Variants in HSDL2 observed in about 807,000 individuals in gnomAD.
The protein encoded by HSDL2 is hydroxysteroid dehydrogenase-like protein 2.
Under a neutral mutation model 46.3 loss-of-function variants are expected in HSDL2, and 27 were observed. The ratio of observed to expected loss-of-function variants is 0.58; its 90% CI spans 0.43 to 0.80. The LOEUF (loss-of-function observed/expected upper bound fraction) is 0.80. Ranked by LOEUF, HSDL2 falls within the 30% of genes least tolerant of loss-of-function variation. The pLI, the probability that HSDL2 is intolerant of heterozygous loss-of-function variation, is 0.00. For missense variants in HSDL2, 451 were observed against 502.7 expected (o/e 0.90, Z 0.98); for synonymous variants, 153 against 163.6 (o/e 0.94, Z 0.50).
At chr9:112,419,866 T>C (rs1039500821) in intron 6 of HSDL2, among the ~76,000 whole-genome samples, 1 of 152,074 alleles carries the variant, frequency 6.6e-6, no homozygotes, top group Non-Finnish European at 1.5e-5. Flanking sequence ...TATATAAAAA[T>C]GAGGGAAAGC....
rs533104331 is a variant in HSDL2, at chr9:112,393,604, CTG to C, written c.18-10389_18-10388del. Reference sequence around the variant, plus strand: ...CTGGCAGTGGTGGCCAGTGCAGTGACTGTAATTAGGCCCATGATCACAGCGAT... The same window carrying C: ...CTGGCAGTGGTGGCCAGTGCAGTGACTAATTAGGCCCATGATCACAGCGAT... On this transcript the variant is annotated intron_variant, in intron 1 of 10. Coordinates refer to ENST00000398805, the MANE Select transcript of HSDL2 (RefSeq NM_032303.5). 6.3e-4 allele frequency among the ~76,000 whole-genome samples: 96 copies of C among 152,336 alleles called. 1 individual carries two copies. The highest frequency in any genetic ancestry group is 2.2e-3 in the African/African-American group (92 of 41,576).
intron 10 of HSDL2, among the ~76,000 whole-genome samples, chr9:112,463,963 G>A (rs1204237247): frequency 6.6e-6 from 1 of 151,900 alleles, no homozygotes; most frequent in Non-Finnish European, 1.5e-5. Flanking sequence ...GCCCAGCCTC[G>A]TGTGGTTTTA....
chr9:112,407,228 C>T lies in HSDL2; in HGVS notation c.280+1506C>T, dbSNP rs139912574. On this transcript the variant is annotated intron_variant, in intron 3 of 10. Coordinates refer to ENST00000398805, the MANE Select transcript of HSDL2 (RefSeq NM_032303.5). ...AATGATGTTTGTCCAACTGATAGGG[C>T]GCTAAATGTGAAATGTGCCACGCTC... is the stretch of plus-strand genomic sequence containing the variant. 7.2e-3 allele frequency among the ~76,000 whole-genome samples: 1,099 copies of T among 152,228 alleles called. 13 individuals carry two copies. The highest frequency in any genetic ancestry group is 0.025 in the African/African-American group (1,019 of 41,516).
intron 10 of HSDL2, among the ~76,000 whole-genome samples, chr9:112,469,116 A>G (rs1833487667): frequency 1.3e-5 from 2 of 152,240 alleles, no homozygotes; most frequent in African/African-American, 4.8e-5. Context: ...AGTAGGACAC[A>G]GCTCAGTTTA....
chr9:112,387,016 T>G (rs1831232347), intron 1 of HSDL2, among the ~76,000 whole-genome samples: 1 of 152,228 alleles, frequency 6.6e-6, no homozygotes, highest in Admixed American at 6.5e-5. Context: ...TATTGGATCC[T>G]GATTTGATCA....
intron 9 of HSDL2, among the ~76,000 whole-genome samples, chr9:112,458,801 G>A (rs189140925): frequency 3.3e-5 from 5 of 151,686 alleles, no homozygotes; most frequent in African/African-American, 1.2e-4. Flanking sequence ...CTAACATGGT[G>A]AGACCCCGTC....
At chr9:112,421,155 C>T (rs1832114051) in intron 6 of HSDL2, among the ~76,000 whole-genome samples, 1 of 152,052 alleles carries the variant, frequency 6.6e-6, no homozygotes, top group Non-Finnish European at 1.5e-5. Flanking sequence ...CATAGTGAGA[C>T]CCCATCTCTA....
intron 5 of HSDL2, among the ~76,000 whole-genome samples, chr9:112,417,198 T>C (rs1832013422): frequency 6.6e-6 from 1 of 152,222 alleles, no homozygotes; most frequent in Non-Finnish European, 1.5e-5. Context: ...GAAATGTATA[T>C]AACCAACACC....
intron 1 of HSDL2, among the ~76,000 whole-genome samples, chr9:112,392,395 G>C (rs900569431): frequency 2.6e-5 from 4 of 152,184 alleles, no homozygotes; most frequent in Admixed American, 2.6e-4. Context: ...CCAGGGCAGA[G>C]TTTTTCCTCA....
intron 6 of HSDL2, among the ~76,000 whole-genome samples, chr9:112,436,209 C>G (rs1832520590): frequency 7.2e-6 from 1 of 138,030 alleles, no homozygotes; most frequent in African/African-American, 2.7e-5. Flanking sequence ...TCACCACTGC[C>G]TTTGGCCTGG....
chr9:112,438,651 T>C (rs771615214), intron 7 of HSDL2, 26 bp downstream of exon 7: 15 of 1,330,654 alleles, frequency 1.1e-5, no homozygotes, highest in South Asian at 2.8e-5. Flanking sequence ...TTTTTAAAAG[T>C]AGTGATACGT....
At chr9:112,441,845 A>G in intron 8 of HSDL2, 75 bp downstream of exon 8, 1 of 937,580 alleles carries the variant, frequency 1.1e-6, no homozygotes, top group Non-Finnish European at 1.7e-6. Flanking sequence ...TATGGAATTG[A>G]TCCTATAACA....
intron 1 of HSDL2, among the ~76,000 whole-genome samples, chr9:112,385,173 G>A (rs1831189152): frequency 1.3e-5 from 2 of 151,790 alleles, no homozygotes; most frequent in South Asian, 4.2e-4. Context: ...TATGAAAAAA[G>A]GAAGGGATAG....
rs1025098017 is a variant in HSDL2, at chr9:112,381,891, C to T, written c.17+1711C>T. ...TTATACTTGTATTTATCTATTTGCA[C>T]ATATATAAGTGTATATGTAGGATAA... On this transcript the variant is annotated intron_variant, in intron 1 of 10. Coordinates refer to ENST00000398805, the MANE Select transcript of HSDL2 (RefSeq NM_032303.5). Among the ~76,000 whole-genome samples the T allele has an allele frequency of 2.0e-5, 3 of 152,062 alleles. No homozygotes were observed. The South Asian group carries it at 6.2e-4, about 31-fold the overall frequency.
At chr9:112,433,052 G>C (rs533466127) in intron 6 of HSDL2, among the ~76,000 whole-genome samples, 5 of 152,194 alleles carry the variant, frequency 3.3e-5, no homozygotes, top group Admixed American at 3.3e-4. Context: ...TGGGATTACA[G>C]GTGTGATCCA....
At chr9:112,440,702 A>G (rs528200757) in intron 7 of HSDL2, among the ~76,000 whole-genome samples, 3 of 152,218 alleles carry the variant, frequency 2.0e-5, no homozygotes, top group African/African-American at 7.2e-5. Context: ...GCAAAACCCC[A>G]TCTCTACAAA....
At chr9:112,441,389 G>C (rs1832634652) in intron 7 of HSDL2, among the ~76,000 whole-genome samples, 1 of 152,176 alleles carries the variant, frequency 6.6e-6, no homozygotes, top group African/African-American at 2.4e-5. Flanking sequence ...AACTTCGGAA[G>C]AATGTGGGCC....
At chr9:112,393,057 C>T (rs984652393) in intron 1 of HSDL2, among the ~76,000 whole-genome samples, 12 of 152,060 alleles carry the variant, frequency 7.9e-5, no homozygotes, top group Non-Finnish European at 1.3e-4. Flanking sequence ...TTGGTTTTGA[C>T]GCAGGATTCG....
At chr9:112,382,709 T>C (rs1831124943) in intron 1 of HSDL2, among the ~76,000 whole-genome samples, 1 of 152,226 alleles carries the variant, frequency 6.6e-6, no homozygotes, top group African/African-American at 2.4e-5. Flanking sequence ...TTTAAAGCCA[T>C]CTATGTATCT....
Sources: allele counts gnomAD v4.1 joint callset (sites outside exome capture counted in the v4.1 genomes callset), GRCh38; gene constraint gnomAD v4.1.1; transcripts MANE v1.5; gene names NCBI Gene and HGNC (gene_info 2026-07-23, HGNC 2026-07-21).